PTPRK: variants seen among roughly 807,000 people sequenced by gnomAD.
PTPRK encodes the protein receptor-type tyrosine-protein phosphatase kappa.
A neutral mutation model predicts 178.0 loss-of-function variants in PTPRK; 75 were observed. The ratio of observed to expected loss-of-function variants is 0.42; its 90% CI spans 0.35 to 0.51. PTPRK has a LOEUF of 0.51. Ranked by LOEUF, PTPRK falls within the 20% of genes least tolerant of loss-of-function variation. The probability of loss-of-function intolerance (pLI) is 0.02; values close to 1 mark genes in which losing one functional copy is unlikely to be tolerated. For missense variants in PTPRK, 1,441 were observed against 1,797.8 expected, an observed-to-expected ratio of 0.80 and a Z score of 3.59; for synonymous variants, 637 against 620.6, an observed-to-expected ratio of 1.03 and a Z score of -0.39.
rs559214658 is a variant in PTPRK at position 128,447,277 on chromosome 6, G to A, written c.101-49589C>T. Among the ~76,000 whole-genome samples the A allele has an allele frequency of 3.3e-5, 5 of 152,276 alleles. No homozygotes were observed. The East Asian group carries it at 9.6e-4, about 29-fold the overall frequency. ...ATCCTAATTTTGGAGTTATTCTGAG[G>A]ATTAAATTATATGCAGTTTATTAAA... On this transcript the variant is annotated intron_variant, in intron 1 of 29. Transcript: ENST00000368226.
At chr6:128,457,937 G>A (rs1207767793) in intron 1 of PTPRK, among the ~76,000 whole-genome samples, 2 of 151,972 alleles carry the variant, frequency 1.3e-5, no homozygotes, top group Non-Finnish European at 2.9e-5. Flanking sequence ...GGCTAATTAC[G>A]CCATCTGTTT....
chr6:128,291,332 G>A (rs1562218994), intron 3 of PTPRK, among the ~76,000 whole-genome samples: 1 of 152,044 alleles, frequency 6.6e-6, no homozygotes, highest in Non-Finnish European at 1.5e-5. Context: ...CTCTAAAAGG[G>A]AACACATTCC....
Position 128,322,051 on chromosome 6 carries a change from G to C in PTPRK, c.483C>G (p.Pro161=). 6.2e-7 allele frequency: 1 copy of C among 1,613,816 alleles called. No homozygotes were observed. The highest frequency in any genetic ancestry group is 1.1e-5 in the South Asian group (1 of 91,068). Residue 161 remains proline, a synonymous_variant, in exon 3 of 30, where the codon CCC becomes CCG. Transcript: ENST00000368226. Reference sequence around the variant, plus strand: ...TACAGATGATTACCTGATATTCATTGGGCCAAAAGGTGCTCACTGCTAGCT... The same window carrying C: ...TACAGATGATTACCTGATATTCATTCGGCCAAAAGGTGCTCACTGCTAGCT... ...RAELAVSTFW[P]NEYQVIFEAE...
chr6:128,103,996 G>A (rs1789238666), intron 7 of PTPRK, among the ~76,000 whole-genome samples: 1 of 152,146 alleles, frequency 6.6e-6, no homozygotes, highest in South Asian at 2.1e-4. Context: ...AAACATGCCA[G>A]CTACGCTTCT....
intron 1 of PTPRK, among the ~76,000 whole-genome samples, chr6:128,412,965 T>C (rs1475669810): frequency 4.6e-5 from 7 of 152,298 alleles, no homozygotes; most frequent in Non-Finnish European, 1.5e-5. Context: ...AGAGATGCCA[T>C]TTACAAGTGA....
intron 1 of PTPRK, among the ~76,000 whole-genome samples, chr6:128,461,233 T>C (rs1055891471): frequency 1.4e-5 from 2 of 145,226 alleles, no homozygotes; most frequent in Non-Finnish European, 3.0e-5. Flanking sequence ...TGTTATTCCG[T>C]GTGTGTGTGT....
At chr6:128,153,647 G>T (rs1205365692) in intron 7 of PTPRK, among the ~76,000 whole-genome samples, 1 of 151,768 alleles carries the variant, frequency 6.6e-6, no homozygotes, top group Admixed American at 6.6e-5. Flanking sequence ...CAAATATACT[G>T]CCCTCCCCTT....
At chr6:128,355,959 GT>G (rs1346377545) in intron 2 of PTPRK, among the ~76,000 whole-genome samples, 4 of 152,122 alleles carry the variant, frequency 2.6e-5, no homozygotes, top group African/African-American at 9.7e-5. Flanking sequence ...TTCTGAAATT[GT>G]TAAAAATCAG....
chr6:128,016,141 G>C (rs539835704), intron 13 of PTPRK, among the ~76,000 whole-genome samples: 3 of 151,552 alleles, frequency 2.0e-5, no homozygotes, highest in Non-Finnish European at 4.4e-5. Flanking sequence ...TTCATGGCTA[G>C]GACCCCTATT....
At chr6:128,284,493 G>A (rs921541166) in intron 3 of PTPRK, among the ~76,000 whole-genome samples, 6 of 152,160 alleles carry the variant, frequency 3.9e-5, no homozygotes, top group African/African-American at 1.4e-4. Context: ...TCGATCTCAT[G>A]TGGTACCCTG....
At chr6:128,465,749 G>A (rs889735840) in intron 1 of PTPRK, among the ~76,000 whole-genome samples, 1 of 152,076 alleles carries the variant, frequency 6.6e-6, no homozygotes, top group Admixed American at 6.6e-5. Context: ...TATCCATGAG[G>A]TGATTAGAGA....
Position 128,000,130 on chromosome 6 carries a change from C to T in PTPRK, c.2495-1226G>A, listed in dbSNP as rs549432530. The T allele has an allele frequency of 7.1e-5, 70 of 985,078 alleles. No homozygotes were observed. The East Asian group carries it at 1.6e-3, about 23-fold the overall frequency. The allele number at this position is 985,078 out of a possible 1,614,324, so 61.0% of individuals were successfully genotyped here. ...GGTGTTACTTTGAAAAGCATTATAC[C>T]GTCATACTCATTAACAGAAGAGAAA... On this transcript the variant is annotated intron_variant, in intron 15 of 29. Coordinates refer to ENST00000368226, the MANE Select transcript of PTPRK (RefSeq NM_002844.4).
intron 7 of PTPRK, among the ~76,000 whole-genome samples, chr6:128,111,110 C>G (rs1368578235): frequency 6.6e-6 from 1 of 152,118 alleles, no homozygotes; most frequent in Non-Finnish European, 1.5e-5. Context: ...TATCGGTAGG[C>G]ATATTTAAAA....
intron 7 of PTPRK, among the ~76,000 whole-genome samples, chr6:128,152,564 A>AG (rs1218623236): frequency 6.6e-6 from 1 of 151,794 alleles, no homozygotes; most frequent in African/African-American, 2.4e-5. Context: ...AGGAAAAAAA[A>AG]AAAATCAATG....
intron 6 of PTPRK, among the ~76,000 whole-genome samples, chr6:128,211,343 G>A (rs1314249621): frequency 6.6e-6 from 1 of 152,024 alleles, no homozygotes; most frequent in Non-Finnish European, 1.5e-5. Context: ...ATGCTGAGGA[G>A]TGACAAAGTA....
At chr6:128,418,766 G>GA (rs371249569) in intron 1 of PTPRK, among the ~76,000 whole-genome samples, 331 of 152,228 alleles carry the variant, frequency 2.2e-3, no homozygotes, top group Non-Finnish European at 3.2e-3. Flanking sequence ...GGAAACTGAG[G>GA]AAAAAATCAC....
chr6:128,325,219 T>G (rs1230338412), intron 2 of PTPRK, among the ~76,000 whole-genome samples: 3 of 152,168 alleles, frequency 2.0e-5, no homozygotes, highest in African/African-American at 7.2e-5. Context: ...TTTGTTTGTT[T>G]TAAGTGCAAC....
At chr6:128,508,486 A>G (rs12174022) in intron 1 of PTPRK, among the ~76,000 whole-genome samples, 3,475 of 152,348 alleles carry the variant, frequency 0.023, 88 homozygotes, top group South Asian at 0.073. Flanking sequence ...TGATATATAT[A>G]AGTACTTAAA....
intron 3 of PTPRK, among the ~76,000 whole-genome samples, chr6:128,303,438 A>T (rs1482155115): frequency 6.6e-6 from 1 of 152,232 alleles, no homozygotes; most frequent in African/African-American, 2.4e-5. Context: ...GGTGAGAAGT[A>T]AGACAGAGAA....
Sources: gnomAD v4.1 joint callset for allele counts (sites outside exome capture counted in the v4.1 genomes callset) on GRCh38, gnomAD v4.1.1 for gene constraint, MANE v1.5 for transcripts, NCBI Gene and HGNC (gene_info 2026-07-23, HGNC 2026-07-21) for gene names.